SUGCT: variants seen among roughly 807,000 people sequenced by gnomAD.
The protein encoded by SUGCT is succinyl-CoA:glutarate-CoA transferase, also known as succinyl-CoA:glutarate CoA-transferase.
In SUGCT, 41 loss-of-function variants were observed where a neutral mutation model predicts 55.0. The observed-to-expected ratio is 0.74, with a 90% confidence interval of 0.58 to 0.97. The LOEUF (loss-of-function observed/expected upper bound fraction) is 0.97, where lower values mean the gene tolerates loss of function less well. SUGCT is among the 50% of genes least tolerant of loss of function. SUGCT has a pLI of 0.00. For synonymous variants in SUGCT, 187 were observed against 200.4 expected, an observed-to-expected ratio of 0.93 and a Z score of 0.56; for missense variants, 568 against 547.8, an observed-to-expected ratio of 1.04 and a Z score of -0.37.
the SUGCT span, among the ~76,000 whole-genome samples, chr7:40,936,696 T>C: frequency 6.6e-6 from 1 of 152,018 alleles, no homozygotes; most frequent in Non-Finnish European, 1.5e-5. Context: ...AGGTTATTGA[T>C]GTGAGATTGT....
intron 12 of SUGCT, among the ~76,000 whole-genome samples, chr7:40,706,481 G>A (rs1785413711): frequency 6.6e-6 from 1 of 152,190 alleles, no homozygotes; most frequent in Non-Finnish European, 1.5e-5. Flanking sequence ...ACTCCAACCT[G>A]AGCGACAGAG....
At chr7:40,268,565 T>G (rs907043206) in intron 7 of SUGCT, among the ~76,000 whole-genome samples, 19 of 152,232 alleles carry the variant, frequency 1.2e-4, no homozygotes, top group African/African-American at 4.6e-4. Context: ...GGGTTATTTC[T>G]ACTCTTAGGC....
chr7:41,022,685 C>A, the SUGCT span, among the ~76,000 whole-genome samples: 3 of 151,920 alleles, frequency 2.0e-5, no homozygotes, highest in Admixed American at 6.6e-5. Context: ...ATTTTGAATT[C>A]TTTAAAATGT....
Position 40,683,931 on chromosome 7 carries a change from G to A in SUGCT, c.1090-65503G>A. 4 of 1,383,276 alleles carry A rather than the reference G, an allele frequency of 2.9e-6. No individual in the cohort carries two copies. The South Asian group carries it at 5.6e-5, about 19-fold the overall frequency. The allele number at this position is 1,383,276 out of a possible 1,614,324, so 85.7% of individuals were successfully genotyped here. Reference sequence around the variant, plus strand: ...CCAGGCTAAAATCAAGGTGCTGGCAGATGTATTCCTTTCTGGAGGTTTTGG... The same window carrying A: ...CCAGGCTAAAATCAAGGTGCTGGCAAATGTATTCCTTTCTGGAGGTTTTGG... On this transcript the variant is annotated intron_variant, in intron 12 of 13. Transcript: ENST00000335693.
At chr7:40,700,151 A>G (rs1785114915) in intron 12 of SUGCT, among the ~76,000 whole-genome samples, 1 of 152,186 alleles carries the variant, frequency 6.6e-6, no homozygotes. Flanking sequence ...CATGAGTCAA[A>G]TACAATTTCT....
intron 7 of SUGCT, among the ~76,000 whole-genome samples, chr7:40,241,106 A>C (rs1789351622): frequency 6.6e-6 from 1 of 152,208 alleles, no homozygotes; most frequent in South Asian, 2.1e-4. Context: ...GTTTGATGAG[A>C]AAATACATTA....
intron 6 of SUGCT, among the ~76,000 whole-genome samples, chr7:40,235,123 AATC>A (rs1160367498): frequency 5.3e-5 from 8 of 152,106 alleles, no homozygotes; most frequent in African/African-American, 1.9e-4. Context: ...ACCTTTTTTT[AATC>A]ATCAATAATT....
the SUGCT span, among the ~76,000 whole-genome samples, chr7:41,011,171 G>T: frequency 2.0e-5 from 3 of 152,274 alleles, no homozygotes; most frequent in Admixed American, 6.5e-5. Flanking sequence ...AGCTGTTTCA[G>T]TGGAATTCCC....
intron 13 of SUGCT, chr7:40,782,715 G>T (rs13240894): frequency 6.6e-6 from 1 of 152,032 alleles, no homozygotes; most frequent in Admixed American, 6.5e-5. Flanking sequence ...AAAAAGTGGT[G>T]TGAGGGGGCC....
downstream of SUGCT, among the ~76,000 whole-genome samples, chr7:40,861,192 T>C (rs1794477863): frequency 6.6e-6 from 1 of 152,224 alleles, no homozygotes; most frequent in Admixed American, 6.5e-5. Flanking sequence ...AGGTGAGAAG[T>C]GGTTTTACAC....
At chr7:40,345,371 A>T (rs1395856475) in intron 9 of SUGCT, among the ~76,000 whole-genome samples, 1 of 152,170 alleles carries the variant, frequency 6.6e-6, no homozygotes, top group Non-Finnish European at 1.5e-5. Flanking sequence ...ATATATGTAT[A>T]CCTTTAAACA....
chr7:40,584,860 G>A (rs1012399522), intron 12 of SUGCT, among the ~76,000 whole-genome samples: 1 of 152,130 alleles, frequency 6.6e-6, no homozygotes, highest in African/African-American at 2.4e-5. Flanking sequence ...ACTTCCCAGG[G>A]TATCTTAACA....
chr7:40,252,260 T>C (rs772379104), intron 7 of SUGCT, among the ~76,000 whole-genome samples: 1 of 152,058 alleles, frequency 6.6e-6, no homozygotes. Flanking sequence ...CCCAGGTAGC[T>C]GGGGTATAGG....
intron 12 of SUGCT, among the ~76,000 whole-genome samples, chr7:40,719,411 A>C (rs1786199262): frequency 6.6e-6 from 1 of 152,144 alleles, no homozygotes; most frequent in Non-Finnish European, 1.5e-5. Context: ...GGTCTCCCTC[A>C]GGGACTTTCA....
At chr7:40,958,216 A>G in the SUGCT span, among the ~76,000 whole-genome samples, 4 of 151,932 alleles carry the variant, frequency 2.6e-5, no homozygotes, top group Non-Finnish European at 4.4e-5. Flanking sequence ...CTGTCTTGCT[A>G]TGTTGGGGAG....
chr7:40,964,321 T>G, the SUGCT span, among the ~76,000 whole-genome samples: 2 of 152,176 alleles, frequency 1.3e-5, no homozygotes, highest in African/African-American at 4.8e-5. Flanking sequence ...TTGCTGAAAT[T>G]TAAACTTAAT....
chr7:40,154,807 T>C (rs1188905376), intron 1 of SUGCT, among the ~76,000 whole-genome samples: 1 of 152,180 alleles, frequency 6.6e-6, no homozygotes, highest in Non-Finnish European at 1.5e-5. Flanking sequence ...TTGTGAACAA[T>C]GTTTGCCCCA....
the SUGCT span, among the ~76,000 whole-genome samples, chr7:41,005,634 A>AT: frequency 6.6e-6 from 1 of 152,204 alleles, no homozygotes. Flanking sequence ...AAGAATTTCC[A>AT]TGTGGGTACA....
At chr7:40,273,274 T>C (rs1434304806) in intron 7 of SUGCT, among the ~76,000 whole-genome samples, 1 of 152,228 alleles carries the variant, frequency 6.6e-6, no homozygotes, top group African/African-American at 2.4e-5. Flanking sequence ...CTTTAAACAT[T>C]ATTTTGCAAA....
Sources: gnomAD v4.1 joint callset for allele counts (sites outside exome capture counted in the v4.1 genomes callset) on GRCh38, gnomAD v4.1.1 for gene constraint, MANE v1.5 for transcripts, NCBI Gene and HGNC (gene_info 2026-07-23, HGNC 2026-07-21) for gene names.